GNB1L: variants seen among roughly 807,000 people sequenced by gnomAD.
The protein encoded by GNB1L is guanine nucleotide-binding protein subunit beta-like protein 1.
A neutral mutation model predicts 29.1 loss-of-function variants in GNB1L; 20 were observed. The observed-to-expected ratio is 0.69, with a 90% CI of 0.48 to 1.00. The LOEUF (loss-of-function observed/expected upper bound fraction) is 1.00, where lower values mean the gene tolerates loss of function less well. Among genes scored for constraint, GNB1L ranks in the 50% least tolerant of loss-of-function variants. The pLI is 0.00. For missense variants in GNB1L, 421 were observed against 464.9 expected (o/e 0.91, Z 0.87); for synonymous variants, 193 against 206.5 (o/e 0.93, Z 0.56).
At chr22:19,850,874 A>G in intron 2 of GNB1L, 3 of 1,330,018 alleles carry the variant, frequency 2.3e-6, no homozygotes, top group South Asian at 2.4e-5. Flanking sequence ...TTGATCTACA[A>G]AACGACCCCC....
Position 19,816,562 on chromosome 22 carries a change from C to T in GNB1L, c.254+4036G>A, listed in dbSNP as rs1937525110. ...GTGCCCCAGCCACCAGGCCCCTCCG[C>T]ACACGGGCTAGGGAACACACACATG... On this transcript the variant is annotated intron_variant, in intron 4 of 7. Transcript: ENST00000329517. The surrounding 1 kb of genome is among the most constrained non-coding windows in gnomAD (Gnocchi z 4.4). Among the ~76,000 whole-genome samples the T allele has an allele frequency of 6.6e-6, 1 of 152,132 alleles. No homozygotes were observed.
At position 19,788,432 on chromosome 22, in the gene GNB1L, T is replaced by C. The variant is rs1040638050; in HGVS notation, c.*277A>G. The C allele has an allele frequency of 1.9e-5, 11 of 592,780 alleles. No homozygotes were observed. The highest frequency in any genetic ancestry group is 3.3e-5 in the Non-Finnish European group (11 of 331,340). 36.7% of individuals were successfully genotyped at this position (592,780 alleles called of 1,614,324 possible). On this transcript the variant is annotated 3_prime_UTR_variant, in exon 8 of 8. Coordinates refer to ENST00000329517, the MANE Select transcript of GNB1L (RefSeq NM_053004.3). The stretch of plus-strand genomic sequence containing the variant: ...CCTGCAACTTGGCAATGGAAATTTA[T>C]TATAAAATACCCTCAGCTGGCAACA...
intron 4 of GNB1L, 49 bp downstream of exon 4, chr22:19,820,549 C>T (rs1443612841): frequency 1.3e-6 from 2 of 1,577,360 alleles, no homozygotes; most frequent in Non-Finnish European, 8.6e-7. Flanking sequence ...TCAGAGAGTT[C>T]CTGACTCCCC....
At chr22:19,818,103 C>T (rs1199310641) in intron 4 of GNB1L, among the ~76,000 whole-genome samples, 1 of 152,220 alleles carries the variant, frequency 6.6e-6, no homozygotes, top group Non-Finnish European at 1.5e-5. Context: ...CCTGGCACTC[C>T]ACACCTGCAG....
chr22:19,820,513 C>T, intron 4 of GNB1L, 85 bp downstream of exon 4: 1 of 1,435,306 alleles, frequency 7.0e-7, no homozygotes, highest in Non-Finnish European at 9.6e-7. Flanking sequence ...CATTCTGCCC[C>T]TCAGTGGGGG....
chr22:19,820,109 G>C lies in GNB1L; in HGVS notation c.254+489C>G, dbSNP rs183025738. On this transcript the variant is annotated intron_variant, in intron 4 of 7. Transcript: ENST00000329517. Reference sequence around the variant, plus strand: ...CCTCCACCGGCACCGTGTGTGACCTGCCATGCTCATGGCACACGGCCCAGG... The same window carrying C: ...CCTCCACCGGCACCGTGTGTGACCTCCCATGCTCATGGCACACGGCCCAGG... Among the ~76,000 whole-genome samples the C allele has an allele frequency of 2.4e-3, 364 of 152,292 alleles. 2 individuals are homozygous for C. The highest frequency in any genetic ancestry group is 8.7e-3 in the African/African-American group (360 of 41,568).
intron 6 of GNB1L, among the ~76,000 whole-genome samples, chr22:19,804,259 C>A (rs1197457517): frequency 6.6e-6 from 1 of 152,236 alleles, no homozygotes; most frequent in Non-Finnish European, 1.5e-5. Flanking sequence ...TTCTTCTCTG[C>A]CCCCTCCCTG....
intron 2 of GNB1L, chr22:19,851,454 G>A (rs1938095896): frequency 6.2e-7 from 1 of 1,614,096 alleles, no homozygotes; most frequent in Non-Finnish European, 8.5e-7. Flanking sequence ...AGGACTGGGG[G>A]CTCCTTGGGC....
chr22:19,847,429 T>TA (rs961869120), intron 2 of GNB1L: 2 of 985,244 alleles, frequency 2.0e-6, no homozygotes, highest in East Asian at 1.1e-4. Context: ...AGGTGGGTGT[T>TA]AGAGGGCCCA....
intron 6 of GNB1L, among the ~76,000 whole-genome samples, chr22:19,805,955 G>A (rs1443776446): frequency 1.3e-5 from 2 of 152,166 alleles, no homozygotes; most frequent in Non-Finnish European, 2.9e-5. Context: ...GACATGAGCG[G>A]CCCCGAGGAG....
chr22:19,848,435 T>C, intron 2 of GNB1L: 1 of 985,472 alleles, frequency 1.0e-6, no homozygotes, highest in South Asian at 4.7e-5. Flanking sequence ...GGTCATCATC[T>C]GTCTGAAAGC....
At chr22:19,792,691 C>A in intron 7 of GNB1L, 1 of 1,456,778 alleles carries the variant, frequency 6.9e-7, no homozygotes, top group Non-Finnish European at 9.5e-7. Flanking sequence ...ACCAAGAGAC[C>A]ACCTGTCCTT....
intron 5 of GNB1L, among the ~76,000 whole-genome samples, chr22:19,810,884 GC>G (rs1381076527): frequency 1.3e-5 from 2 of 152,234 alleles, no homozygotes; most frequent in Non-Finnish European, 2.9e-5. Flanking sequence ...AGAGCTGAAA[GC>G]TAGGAGGAGG....
intron 2 of GNB1L, among the ~76,000 whole-genome samples, chr22:19,853,543 G>A (rs1441251066): frequency 1.3e-5 from 2 of 152,166 alleles, no homozygotes; most frequent in East Asian, 1.9e-4. Context: ...CTCACTGGGA[G>A]CACAAGGCCT....
In GNB1L at chr22:19,796,951, C is replaced by T. The variant is rs886139601; in HGVS notation, c.732+5050G>A. 3.3e-5 allele frequency among the ~76,000 whole-genome samples: 5 copies of T among 152,110 alleles called. No homozygotes were observed. In the East Asian group the frequency reaches 9.6e-4, roughly 29 times the overall value. On this transcript the variant is annotated intron_variant, in intron 7 of 7. Transcript: ENST00000329517. ...TAAAGCAGGGACGGAGCTTTGAATG[C>T]GGCAGAAATTTAAACAATCATCACA...
In GNB1L at chr22:19,806,292, T is replaced by A. The variant is rs1380943978; in HGVS notation, c.516+367A>T. On this transcript the variant is annotated intron_variant, in intron 6 of 7. Coordinates refer to ENST00000329517, the MANE Select transcript of GNB1L (RefSeq NM_053004.3). ...GCAGGCTTGCTGCAGTTAGTCAGCG[T>A]GGCCTGCCCTGCCCTAAGCACGGCC... Among the ~76,000 whole-genome samples, 3 of 152,248 alleles carry A rather than the reference T, an allele frequency of 2.0e-5. No individual in the cohort carries two copies. The East Asian group carries it at 5.8e-4, about 29-fold the overall frequency.
chr22:19,804,433 G>C (rs1027706832), intron 6 of GNB1L, among the ~76,000 whole-genome samples: 1 of 152,232 alleles, frequency 6.6e-6, no homozygotes, highest in African/African-American at 2.4e-5. Context: ...TGAGGGCTAT[G>C]CCAGTGACTG....
chr22:19,820,368 T>C (rs1328066712), intron 4 of GNB1L, among the ~76,000 whole-genome samples: 1 of 152,158 alleles, frequency 6.6e-6, no homozygotes, highest in African/African-American at 2.4e-5. Context: ...GGCTCCAGCT[T>C]GGAGCATGAA....
intron 4 of GNB1L, among the ~76,000 whole-genome samples, chr22:19,819,775 GC>G (rs1428382491): frequency 3.9e-5 from 6 of 152,180 alleles, no homozygotes; most frequent in Non-Finnish European, 5.9e-5. Context: ...TGAGCTCGGG[GC>G]CCTGAGGGAG....
Sources: gnomAD v4.1 joint callset for allele counts (sites outside exome capture counted in the v4.1 genomes callset) on GRCh38, gnomAD v4.1.1 for gene constraint, Gnocchi (gnomAD v3.1) non-coding constraint, MANE v1.5 for transcripts, NCBI Gene and HGNC (gene_info 2026-07-23, HGNC 2026-07-21) for gene names.